The following ACVR1B variants were observed in gnomAD, a reference collection of about 807,000 sequenced individuals.
The protein encoded by ACVR1B is activin A receptor type 1B.
Under a neutral mutation model 55.6 loss-of-function variants are expected in ACVR1B, and 15 were observed. The ratio of observed to expected loss-of-function variants is 0.27; its 90% CI spans 0.18 to 0.42. The LOEUF (loss-of-function observed/expected upper bound fraction) is 0.42. Among genes scored for constraint, ACVR1B ranks in the 10% least tolerant of loss-of-function variants. The pLI is 1.00. For synonymous variants in ACVR1B, 247 were observed against 254.6 expected (o/e 0.97, Z 0.28); for missense variants, 359 against 670.1 (o/e 0.54, Z 5.13).
In ACVR1B at chr12:51,994,043, G is replaced by A. The variant is rs1460557299; in HGVS notation, c.1451G>A (p.Arg484His). ...TGTTGGTATGCCAACGGCGCAGCCC[G>A]CCTGACGGCCCTGCGCATCAAGAAG... ...RECWYANGAA[R>H]LTALRIKKTL... is the part of the protein sequence containing the mutation. The change falls in exon 9 of 9, where the codon CGC (arginine) becomes CAC (histidine). Residue 484 changes from arginine (R) to histidine (H), a missense_variant. Arg to His is a conservative substitution (Grantham distance 29, BLOSUM62 0). Transcript: ENST00000257963. This position sits in a 1 kb window ranked among gnomAD's most constrained non-coding sequence, Gnocchi z 4.2. 1.2e-6 allele frequency: 2 copies of A among 1,613,962 alleles called. No individual in the cohort carries two copies. Among genetic ancestry groups the A allele is most frequent in the Non-Finnish European group, 1.7e-6 (2 of 1,180,048 alleles).
At chr12:51,978,643 A>C (rs1213536404) in intron 3 of ACVR1B, among the ~76,000 whole-genome samples, 1 of 151,774 alleles carries the variant, frequency 6.6e-6, no homozygotes, top group African/African-American at 2.4e-5. Flanking sequence ...CATCCTGGCT[A>C]ACATGGTGAA....
At chr12:51,973,494 A>C (rs1285782742) in intron 1 of ACVR1B, among the ~76,000 whole-genome samples, 1 of 152,230 alleles carries the variant, frequency 6.6e-6, no homozygotes, top group Non-Finnish European at 1.5e-5. Context: ...GTATTCTGTG[A>C]GTTTCAGAAG....
chr12:51,954,490 C>T (rs1439954764), intron 1 of ACVR1B, among the ~76,000 whole-genome samples: 1 of 152,170 alleles, frequency 6.6e-6, no homozygotes, highest in African/African-American at 2.4e-5. Context: ...CAAGCCAAGC[C>T]TTGTAATTTT....
rs1044379316 is a variant in ACVR1B, at chr12:51,963,217, A to T, written c.91+11383A>T. ...GTGCAAACCATCACCACTATTTTTT[A>T]ATTTTAATTTTATTTATTTATTTTT... On this transcript the variant is annotated intron_variant, in intron 1 of 8. Transcript: ENST00000257963. Among the ~76,000 whole-genome samples, 8 of 151,970 alleles carry T rather than the reference A, an allele frequency of 5.3e-5. No individual in the cohort carries two copies. The South Asian group carries it at 8.3e-4, about 16-fold the overall frequency.
chr12:51,987,965 T>A (rs779696636), intron 7 of ACVR1B, among the ~76,000 whole-genome samples: 8 of 152,244 alleles, frequency 5.3e-5, no homozygotes, highest in African/African-American at 1.7e-4. Flanking sequence ...CATAAGTATA[T>A]ACATCTACTG....
At chr12:51,966,365 C>A (rs950014207) in intron 1 of ACVR1B, among the ~76,000 whole-genome samples, 1 of 152,200 alleles carries the variant, frequency 6.6e-6, no homozygotes, top group African/African-American at 2.4e-5. Context: ...AATAACAGTG[C>A]AAGCGGGAAC....
chr12:51,966,237 TACAG>T (rs1941638420), intron 1 of ACVR1B, among the ~76,000 whole-genome samples: 1 of 151,888 alleles, frequency 6.6e-6, no homozygotes, highest in African/African-American at 2.4e-5. Context: ...TTATAGAAAA[TACAG>T]AGGAGAGAGG....
At chr12:51,972,823 GTA>G (rs1464271558) in intron 1 of ACVR1B, among the ~76,000 whole-genome samples, 1 of 152,126 alleles carries the variant, frequency 6.6e-6, no homozygotes, top group Non-Finnish European at 1.5e-5. Context: ...ATAGATATGT[GTA>G]GAGTGGCCTT....
intron 1 of ACVR1B, among the ~76,000 whole-genome samples, chr12:51,969,967 T>C (rs1941716536): frequency 6.6e-6 from 1 of 152,072 alleles, no homozygotes; most frequent in African/African-American, 2.4e-5. Context: ...ATTGGTAGAG[T>C]CACCAATATG....
chr12:51,992,153 T>C (rs1942204755), intron 8 of ACVR1B, 160 bp downstream of exon 8: 2 of 925,748 alleles, frequency 2.2e-6, no homozygotes, highest in East Asian at 5.2e-5. Context: ...CCTTTAGGGC[T>C]ACAGTCTCTT....
chr12:51,964,698 A>G (rs750735966), intron 1 of ACVR1B, among the ~76,000 whole-genome samples: 1 of 152,178 alleles, frequency 6.6e-6, no homozygotes, highest in Non-Finnish European at 1.5e-5. Context: ...CCATTTGTTC[A>G]TCACCATATT....
Position 51,986,866 on chromosome 12 carries a change from T to C in ACVR1B, c.1185T>C (p.Phe395=), listed in dbSNP as rs1421532174. The part of the protein sequence containing the change: ...VLDETINMKH[F]DSFKCADIYA... ...ATGAAACCATTAATATGAAACACTT[T>C]GACTCCTTTAAATGTGCTGATATTT... Residue 395 remains phenylalanine, a synonymous_variant, in exon 7 of 9, where the codon TTT becomes TTC. Coordinates refer to ENST00000257963, the MANE Select transcript of ACVR1B (RefSeq NM_004302.5). 3 of 1,614,186 alleles carry C rather than the reference T, an allele frequency of 1.9e-6. No individual in the cohort carries two copies. The highest frequency in any genetic ancestry group is 2.2e-5 in the East Asian group (1 of 44,884).
intron 1 of ACVR1B, among the ~76,000 whole-genome samples, chr12:51,969,152 G>C (rs1347904276): frequency 6.6e-6 from 1 of 152,162 alleles, no homozygotes; most frequent in Non-Finnish European, 1.5e-5. Context: ...TGTCCCTGCT[G>C]CCCTGCCCAA....
chr12:51,974,509 G>T (rs369454859), intron 1 of ACVR1B, among the ~76,000 whole-genome samples: 974 of 84,062 alleles, frequency 0.012, 14 homozygotes, highest in African/African-American at 0.039. Flanking sequence ...AAAAAAATTC[G>T]TGTGTGTGTG....
intron 1 of ACVR1B, chr12:51,953,547 A>G (rs1941352477): frequency 2.0e-6 from 2 of 984,800 alleles, no homozygotes; most frequent in African/African-American, 3.5e-5. Flanking sequence ...GGCCTTATTA[A>G]GGGCCATGTT....
intron 1 of ACVR1B, among the ~76,000 whole-genome samples, chr12:51,969,733 A>G (rs1170446626): frequency 6.6e-6 from 1 of 152,182 alleles, no homozygotes; most frequent in Non-Finnish European, 1.5e-5. Flanking sequence ...ATAAAGAACT[A>G]TCTTAGCCAG....
At chr12:51,978,628 C>G (rs1192947143) in intron 3 of ACVR1B, among the ~76,000 whole-genome samples, 1 of 151,720 alleles carries the variant, frequency 6.6e-6, no homozygotes, top group Non-Finnish European at 1.5e-5. Context: ...AGAGGAGATC[C>G]AGACCATCCT....
intron 1 of ACVR1B, among the ~76,000 whole-genome samples, chr12:51,958,772 A>C (rs1270180207): frequency 6.6e-6 from 1 of 152,162 alleles, no homozygotes; most frequent in Non-Finnish European, 1.5e-5. Context: ...ATGAGAATCT[A>C]ATGCCGCCGC....
At chr12:51,979,284 G>C (rs958933945) in intron 3 of ACVR1B, among the ~76,000 whole-genome samples, 1 of 151,278 alleles carries the variant, frequency 6.6e-6, no homozygotes, top group Admixed American at 6.6e-5. Flanking sequence ...TGACCAACAT[G>C]ATGAAACCCC....
Sources: allele counts gnomAD v4.1 joint callset (sites outside exome capture counted in the v4.1 genomes callset), GRCh38; gene constraint gnomAD v4.1.1; non-coding constraint Gnocchi (gnomAD v3.1); transcripts MANE v1.5; gene names NCBI Gene and HGNC (gene_info 2026-07-23, HGNC 2026-07-21).